Variants in STXBP5L observed in about 807,000 individuals in gnomAD.
STXBP5L encodes the protein syntaxin-binding protein 5-like.
Under a neutral mutation model 144.5 loss-of-function variants are expected in STXBP5L, and 65 were observed. The ratio of observed to expected loss-of-function variants is 0.45; its 90% CI spans 0.37 to 0.55. The LOEUF (loss-of-function observed/expected upper bound fraction) is 0.55. Among genes scored for constraint, STXBP5L ranks in the 20% least tolerant of loss-of-function variants. STXBP5L has a pLI of 0.00. For synonymous variants in STXBP5L, 505 were observed against 469.6 expected (o/e 1.08, Z -0.97); for missense variants, 1,298 against 1,405.5 (o/e 0.92, Z 1.22).
intron 3 of STXBP5L, among the ~76,000 whole-genome samples, chr3:120,968,105 CTGTT>C (rs1338750471): frequency 1.3e-5 from 2 of 152,230 alleles, no homozygotes; most frequent in Middle Eastern, 3.4e-3. Context: ...CTATAAATGT[CTGTT>C]TGGTCCATTT....
chr3:121,370,898 C>T (rs372142839), intron 20 of STXBP5L, among the ~76,000 whole-genome samples: 31 of 152,110 alleles, frequency 2.0e-4, no homozygotes, highest in African/African-American at 4.6e-4. Flanking sequence ...TTTGTCTGTC[C>T]GCTCCTGTAT....
At chr3:121,369,887 T>C (rs893345673) in intron 20 of STXBP5L, among the ~76,000 whole-genome samples, 5 of 152,226 alleles carry the variant, frequency 3.3e-5, no homozygotes, top group African/African-American at 1.2e-4. Context: ...TTAGCCTCTC[T>C]AGCTAGGTTG....
chr3:121,007,022 T>G (rs990742056), intron 3 of STXBP5L, among the ~76,000 whole-genome samples: 1 of 152,152 alleles, frequency 6.6e-6, no homozygotes, highest in African/African-American at 2.4e-5. Flanking sequence ...CTGACAATTA[T>G]GTGTCTTGGA....
At chr3:120,940,909 T>C (rs1710536944) in intron 2 of STXBP5L, among the ~76,000 whole-genome samples, 1 of 151,070 alleles carries the variant, frequency 6.6e-6, no homozygotes, top group African/African-American at 2.4e-5. Context: ...TGTTTTAACA[T>C]ATATATATAT....
chr3:121,164,021 T>C (rs2046412991), intron 9 of STXBP5L, among the ~76,000 whole-genome samples: 1 of 152,158 alleles, frequency 6.6e-6, no homozygotes, highest in South Asian at 2.1e-4. Flanking sequence ...AGTTGTGCAG[T>C]CATCAACACA....
intron 20 of STXBP5L, among the ~76,000 whole-genome samples, chr3:121,356,132 T>G (rs564468247): frequency 1.3e-5 from 2 of 152,242 alleles, no homozygotes; most frequent in African/African-American, 4.8e-5. Flanking sequence ...GTCTGCCAGT[T>G]AGGCTGAACA....
At chr3:121,319,696 T>G (rs759698222) in intron 20 of STXBP5L, among the ~76,000 whole-genome samples, 1 of 152,232 alleles carries the variant, frequency 6.6e-6, no homozygotes, top group Non-Finnish European at 1.5e-5. Context: ...CAATTAATGT[T>G]GCATGTCATG....
chr3:121,118,578 TAGGG>T (rs2044328370), intron 6 of STXBP5L, among the ~76,000 whole-genome samples: 1 of 151,606 alleles, frequency 6.6e-6, no homozygotes, highest in African/African-American at 2.4e-5. Context: ...TAAAGACTAA[TAGGG>T]AGCTAGATTT....
chr3:121,196,435 G>T (rs957407723), intron 9 of STXBP5L, among the ~76,000 whole-genome samples: 1 of 151,858 alleles, frequency 6.6e-6, no homozygotes, highest in Admixed American at 6.6e-5. Flanking sequence ...CACCGCACCC[G>T]GCAATATTAA....
At chr3:121,070,651 C>T (rs1490328086) in intron 5 of STXBP5L, among the ~76,000 whole-genome samples, 1 of 152,002 alleles carries the variant, frequency 6.6e-6, no homozygotes, top group Non-Finnish European at 1.5e-5. Flanking sequence ...GGTACTTTTG[C>T]AAAGCCACCA....
chr3:121,355,537 A>G (rs1204544818), intron 20 of STXBP5L, among the ~76,000 whole-genome samples: 1 of 152,126 alleles, frequency 6.6e-6, no homozygotes, highest in Non-Finnish European at 1.5e-5. Context: ...CAGCTCCATG[A>G]GGTCATTTAA....
intron 19 of STXBP5L, among the ~76,000 whole-genome samples, chr3:121,303,110 G>C (rs1030770401): frequency 1.3e-5 from 2 of 151,932 alleles, no homozygotes; most frequent in Non-Finnish European, 2.9e-5. Context: ...CAAAATGGGA[G>C]AAAATTTTTG....
intron 22 of STXBP5L, among the ~76,000 whole-genome samples, chr3:121,393,672 C>A (rs555320036): frequency 6.6e-5 from 10 of 152,082 alleles, no homozygotes; most frequent in Admixed American, 2.6e-4. Flanking sequence ...TTTGCAGAAC[C>A]ATTTATTAAG....
chr3:121,005,785 A>G (rs559977984), intron 3 of STXBP5L, among the ~76,000 whole-genome samples: 2 of 152,142 alleles, frequency 1.3e-5, no homozygotes, highest in Admixed American at 6.5e-5. Flanking sequence ...GAACATCTTT[A>G]TTTCTGCCTT....
intron 9 of STXBP5L, chr3:121,158,430 C>T (rs1317560353): frequency 6.6e-6 from 1 of 152,072 alleles, no homozygotes; most frequent in East Asian, 1.9e-4. Context: ...TAATGGGTGA[C>T]CCATAGATCA....
chr3:120,947,629 A>T (rs1304603684), intron 2 of STXBP5L, among the ~76,000 whole-genome samples: 1 of 151,790 alleles, frequency 6.6e-6, no homozygotes, highest in East Asian at 1.9e-4. Context: ...TATTACTCTG[A>T]ACCCCCATCC....
chr3:121,329,690 A>G (rs551540185), intron 20 of STXBP5L, among the ~76,000 whole-genome samples: 1 of 152,152 alleles, frequency 6.6e-6, no homozygotes, highest in Non-Finnish European at 1.5e-5. Context: ...GTGAAACCTC[A>G]TCTCTACTAA....
chr3:121,186,138 C>T (rs928746303), intron 9 of STXBP5L, among the ~76,000 whole-genome samples: 5 of 152,150 alleles, frequency 3.3e-5, no homozygotes, highest in African/African-American at 1.2e-4. Context: ...GATTTTTGCA[C>T]ATCGATTTTG....
At chr3:121,286,821 A>T (rs2108453928) in intron 19 of STXBP5L, among the ~76,000 whole-genome samples, 1 of 84,144 alleles carries the variant, frequency 1.2e-5, no homozygotes, top group Middle Eastern at 6.7e-3. Flanking sequence ...GACACGGGGT[A>T]TCAAACAATG....
Sources: gnomAD v4.1 joint callset for allele counts (sites outside exome capture counted in the v4.1 genomes callset) on GRCh38, gnomAD v4.1.1 for gene constraint, MANE v1.5 for transcripts, NCBI Gene and HGNC (gene_info 2026-07-23, HGNC 2026-07-21) for gene names.